MAML3: variants seen among roughly 807,000 people sequenced by gnomAD.
MAML3 encodes the protein mastermind like transcriptional coactivator 3.
A neutral mutation model predicts 101.9 loss-of-function variants in MAML3; 27 were observed. The ratio of observed to expected loss-of-function variants is 0.27; its 90% CI spans 0.20 to 0.37. The LOEUF is 0.37. Among genes scored for constraint, MAML3 ranks in the 10% least tolerant of loss-of-function variants. The pLI is 1.00. For missense variants in MAML3, 1,316 were observed against 1,444.9 expected, an observed-to-expected ratio of 0.91 and a Z score of 1.45; for synonymous variants, 501 against 555.9, an observed-to-expected ratio of 0.90 and a Z score of 1.39.
intron 1 of MAML3, among the ~76,000 whole-genome samples, chr4:140,028,485 G>C (rs910612103): frequency 6.6e-6 from 1 of 151,446 alleles, no homozygotes; most frequent in African/African-American, 2.4e-5. Flanking sequence ...ATTATTCTTC[G>C]TGATTCCAAA....
chr4:139,870,031 T>C (rs795986), intron 2 of MAML3, among the ~76,000 whole-genome samples: 126,705 of 152,204 alleles, frequency 0.83, 53,283 homozygotes, highest in African/African-American at 0.96. Flanking sequence ...ACTTTACATG[T>C]CTGAATTTCA....
chr4:139,988,500 C>T (rs1734595837), intron 1 of MAML3, among the ~76,000 whole-genome samples: 1 of 152,056 alleles, frequency 6.6e-6, no homozygotes, highest in South Asian at 2.1e-4. Flanking sequence ...AACAGTTTTT[C>T]CAGACAAGCA....
intron 1 of MAML3, among the ~76,000 whole-genome samples, chr4:139,928,032 T>C (rs749124002): frequency 6.6e-6 from 1 of 152,238 alleles, no homozygotes; most frequent in Non-Finnish European, 1.5e-5. Context: ...CCCATTTATA[T>C]ACATACAGCT....
chr4:140,018,654 A>G (rs1726686221), intron 1 of MAML3, among the ~76,000 whole-genome samples: 1 of 152,208 alleles, frequency 6.6e-6, no homozygotes, highest in Admixed American at 6.5e-5. Flanking sequence ...GAAGTCTATT[A>G]TCAGGTACTT....
chr4:139,828,015 G>T lies in MAML3; in HGVS notation c.2079+61342C>A, dbSNP rs144993032. On this transcript the variant is annotated intron_variant, in intron 2 of 4. Transcript: ENST00000509479. ...ATTTCGTCTTCTGATTATATTCATAGTCATTACGGTGCTGCCAAGATGTTA... is the reference window on the plus strand; with the variant it reads ...ATTTCGTCTTCTGATTATATTCATATTCATTACGGTGCTGCCAAGATGTTA... Among the ~76,000 whole-genome samples the T allele has an allele frequency of 4.9e-3, 753 of 152,360 alleles. 4 individuals carry two copies. Among genetic ancestry groups the T allele is most frequent in the Non-Finnish European group, 7.7e-3 (525 of 68,034 alleles).
intron 1 of MAML3, among the ~76,000 whole-genome samples, chr4:140,141,737 T>C (rs1015726366): frequency 2.6e-5 from 4 of 152,202 alleles, no homozygotes; most frequent in Non-Finnish European, 5.9e-5. Context: ...TAAAAACTAG[T>C]AATGTTCTGT....
intron 2 of MAML3, among the ~76,000 whole-genome samples, chr4:139,826,249 A>T (rs1731058884): frequency 6.6e-6 from 1 of 152,034 alleles, no homozygotes; most frequent in Admixed American, 6.5e-5. Context: ...TCTACCCTGG[A>T]AAGCGGACAT....
rs79825316 is a variant in MAML3, at chr4:139,871,397, A to C, written c.2079+17960T>G. On this transcript the variant is annotated intron_variant, in intron 2 of 4. Transcript: ENST00000509479. ...GTTTTTTTTAAGTATGGAGGTTTGG[A>C]AGTCAAATTTGACGCCTTTCTTCCT... 9.0e-3 allele frequency among the ~76,000 whole-genome samples: 1,373 copies of C among 152,288 alleles called. 18 individuals are homozygous for C. The highest frequency in any genetic ancestry group is 0.031 in the African/African-American group (1,300 of 41,556).
chr4:139,727,455 G>A lies in MAML3; in HGVS notation c.2332-1620C>T, dbSNP rs115843080. On this transcript the variant is annotated intron_variant, in intron 3 of 4. Transcript: ENST00000509479. ...GGAATGAGCCCCTGGCAGCCTGTGG[G>A]GGACTGAGGGTGTATCCTGGAGTCA... Among the ~76,000 whole-genome samples, 817 of 152,268 alleles carry A rather than the reference G, an allele frequency of 5.4e-3. 5 individuals carry two copies. Among genetic ancestry groups the A allele is most frequent in the Middle Eastern group, 0.017 (5 of 294 alleles).
intron 2 of MAML3, among the ~76,000 whole-genome samples, chr4:139,777,151 G>A (rs552312426): frequency 3.3e-5 from 5 of 152,220 alleles, no homozygotes; most frequent in East Asian, 1.9e-4. Flanking sequence ...AAAAGCTGAC[G>A]GTTCTTCAGA....
chr4:140,151,787 C>G (rs755467141), intron 1 of MAML3, among the ~76,000 whole-genome samples: 132 of 151,886 alleles, frequency 8.7e-4, no homozygotes, highest in Non-Finnish European at 1.3e-3. Flanking sequence ...AGAAAGGATT[C>G]TAGCCTCCGG....
At chr4:139,786,437 G>A (rs115002279) in intron 2 of MAML3, among the ~76,000 whole-genome samples, 1,607 of 152,252 alleles carry the variant, frequency 0.011, 32 homozygotes, top group African/African-American at 0.036. Context: ...AGAGTGGCCA[G>A]TAAATCTCAG....
chr4:139,791,497 C>T (rs374543313), intron 2 of MAML3, among the ~76,000 whole-genome samples: 73 of 84,450 alleles, frequency 8.6e-4, no homozygotes, highest in African/African-American at 2.7e-3. Flanking sequence ...AGTGAGACTC[C>T]ATCTCAAAAA....
chr4:139,902,414 T>C (rs918277293), intron 1 of MAML3, among the ~76,000 whole-genome samples: 1 of 152,224 alleles, frequency 6.6e-6, no homozygotes, highest in African/African-American at 2.4e-5. Context: ...GGGACTTGCC[T>C]TCATTGACCA....
Position 140,083,926 on chromosome 4 carries a change from ACG to A in MAML3, c.468+68932_468+68933del, listed in dbSNP as rs1189282262. ...AGAAACACCCTAGATTGAAACACACACGCGCGCACACACACACACACACACAC... is the reference window on the plus strand; with the variant it reads ...AGAAACACCCTAGATTGAAACACACACGCGCACACACACACACACACACAC... On this transcript the variant is annotated intron_variant, in intron 1 of 4. Transcript: ENST00000509479. 4.9e-3 allele frequency among the ~76,000 whole-genome samples: 706 copies of A among 145,282 alleles called. 8 individuals carry two copies. The highest frequency in any genetic ancestry group is 0.027 in the Middle Eastern group (8 of 292).
At chr4:139,759,841 C>A (rs2111051969) in intron 2 of MAML3, among the ~76,000 whole-genome samples, 1 of 152,332 alleles carries the variant, frequency 6.6e-6, no homozygotes, top group East Asian at 1.9e-4. Context: ...AGCCCACTTT[C>A]ACACAGGGGG....
In MAML3 at chr4:139,848,274, C is replaced by T. The variant is rs372063841; in HGVS notation, c.2079+41083G>A. ...GTGTGCACAGAAATGACAGCATCGA[C>T]GGCTGCTTCTCACCAGGGCACCGTT... On this transcript the variant is annotated intron_variant, in intron 2 of 4. Transcript: ENST00000509479. Among the ~76,000 whole-genome samples the T allele has an allele frequency of 1.2e-3, 189 of 152,298 alleles. 2 individuals are homozygous for T. In the South Asian group the frequency reaches 0.018, roughly 15 times the overall value.
At chr4:140,075,779 G>C (rs1727756160) in intron 1 of MAML3, among the ~76,000 whole-genome samples, 1 of 150,996 alleles carries the variant, frequency 6.6e-6, no homozygotes. Context: ...GGGGCGGAGG[G>C]GGACAGGGTC....
At chr4:139,936,022 C>A (rs1328539480) in intron 1 of MAML3, among the ~76,000 whole-genome samples, 1 of 152,124 alleles carries the variant, frequency 6.6e-6, no homozygotes, top group East Asian at 1.9e-4. Flanking sequence ...ACCCTTCGAC[C>A]AACATCTCCT....
Sources: allele counts gnomAD v4.1 joint callset (sites outside exome capture counted in the v4.1 genomes callset), GRCh38; gene constraint gnomAD v4.1.1; transcripts MANE v1.5; gene names NCBI Gene and HGNC (gene_info 2026-07-23, HGNC 2026-07-21).